The following TOX variants were observed in gnomAD, a reference collection of about 807,000 sequenced individuals.
TOX encodes thymocyte selection-associated high mobility group box protein TOX.
In TOX, 11 loss-of-function variants were observed where a neutral mutation model predicts 53.7. The observed-to-expected ratio is 0.20, with a 90% CI of 0.13 to 0.34. The LOEUF (loss-of-function observed/expected upper bound fraction) is 0.34, where lower values mean the gene tolerates loss of function less well. Ranked by LOEUF, TOX falls within the 10% of genes least tolerant of loss-of-function variation. TOX has a pLI of 1.00. For missense variants in TOX, 570 were observed against 664.6 expected (o/e 0.86, Z 1.56); for synonymous variants, 225 against 245.3 (o/e 0.92, Z 0.77).
intron 3 of TOX, among the ~76,000 whole-genome samples, chr8:58,915,461 G>A (rs1384845257): frequency 9.1e-6 from 1 of 109,972 alleles, no homozygotes; most frequent in Non-Finnish European, 1.9e-5. Context: ...TCACACGGCA[G>A]GGTATTCCAA....
At chr8:59,106,174 G>C (rs1393964452) in intron 1 of TOX, among the ~76,000 whole-genome samples, 1 of 152,056 alleles carries the variant, frequency 6.6e-6, no homozygotes, top group African/African-American at 2.4e-5. Context: ...CCACCTCTCA[G>C]AAATATATCC....
chr8:58,992,329 G>T (rs1401154978), intron 1 of TOX, among the ~76,000 whole-genome samples: 1 of 152,156 alleles, frequency 6.6e-6, no homozygotes, highest in Non-Finnish European at 1.5e-5. Flanking sequence ...CTTGCTGCAC[G>T]TAGAAATGCA....
chr8:58,980,815 G>C (rs1444201802), intron 1 of TOX, among the ~76,000 whole-genome samples: 1 of 152,120 alleles, frequency 6.6e-6, no homozygotes, highest in Non-Finnish European at 1.5e-5. Flanking sequence ...TTCCAGTGTA[G>C]ATAATCCTTC....
intron 1 of TOX, among the ~76,000 whole-genome samples, chr8:59,051,572 A>G (rs1211336745): frequency 1.3e-5 from 2 of 152,188 alleles, no homozygotes; most frequent in Non-Finnish European, 2.9e-5. Context: ...GAAAGACACC[A>G]CACTAGAAAC....
chr8:59,103,345 A>T (rs1211222279), intron 1 of TOX, among the ~76,000 whole-genome samples: 1 of 152,220 alleles, frequency 6.6e-6, no homozygotes, highest in African/African-American at 2.4e-5. Context: ...ATTTTTTAAT[A>T]ATAAGGACAA....
intron 1 of TOX, among the ~76,000 whole-genome samples, chr8:59,039,992 C>A (rs566466118): frequency 1.3e-5 from 2 of 152,016 alleles, no homozygotes; most frequent in African/African-American, 4.8e-5. Context: ...CAGAAATTCA[C>A]GGAGAATTTC....
chr8:58,983,933 C>T lies in TOX; in HGVS notation c.103-23925G>A, dbSNP rs146988514. Among the ~76,000 whole-genome samples the T allele has an allele frequency of 3.7e-3, 566 of 152,316 alleles. 1 individual carries two copies. The highest frequency in any genetic ancestry group is 0.013 in the African/African-American group (529 of 41,576). ...TGCAAATGAATGACTTGGTTTATTC[C>T]ATATGTGTCCCTGACATCCAGAGCC... On this transcript the variant is annotated intron_variant, in intron 1 of 8. Transcript: ENST00000361421.
intron 3 of TOX, among the ~76,000 whole-genome samples, chr8:58,914,639 C>T (rs760858285): frequency 1.3e-5 from 2 of 152,194 alleles, no homozygotes; most frequent in Non-Finnish European, 2.9e-5. Context: ...TTCTCCCCCA[C>T]AAAAACTTGT....
At chr8:59,035,593 A>G (rs909722573) in intron 1 of TOX, among the ~76,000 whole-genome samples, 6 of 152,230 alleles carry the variant, frequency 3.9e-5, no homozygotes, top group African/African-American at 1.4e-4. Flanking sequence ...CATTGCTAAC[A>G]TCTAATCTCT....
rs555768241 is a variant in TOX at position 58,851,097 on chromosome 8, G to C, written c.693+427C>G. 6.6e-6 allele frequency among the ~76,000 whole-genome samples: 1 copy of C among 151,830 alleles called. No homozygotes were observed. The highest frequency in any genetic ancestry group is 2.1e-4 in the South Asian group (1 of 4,818). ...TCCACGTCCTCAATATGAAATGGTTGGGTCAGGTGGCCACAAAGGTTTCAT... is the reference window on the plus strand; with the variant it reads ...TCCACGTCCTCAATATGAAATGGTTCGGTCAGGTGGCCACAAAGGTTTCAT... On this transcript the variant is annotated intron_variant, in intron 4 of 8. Transcript: ENST00000361421. The surrounding 1 kb of genome is among the most constrained non-coding windows in gnomAD (Gnocchi z 4.4).
At chr8:59,020,598 C>T (rs1814105643) in intron 1 of TOX, among the ~76,000 whole-genome samples, 1 of 152,118 alleles carries the variant, frequency 6.6e-6, no homozygotes, top group African/African-American at 2.4e-5. Flanking sequence ...AGACATCTTA[C>T]AATTTCTTTT....
At chr8:59,033,441 G>T (rs1203578961) in intron 1 of TOX, among the ~76,000 whole-genome samples, 2 of 152,226 alleles carry the variant, frequency 1.3e-5, no homozygotes, top group African/African-American at 2.4e-5. Flanking sequence ...ACTTTGAGGA[G>T]ATGAGTGGTG....
chr8:59,092,335 TTATA>T (rs1804636731), intron 1 of TOX, among the ~76,000 whole-genome samples: 1 of 135,438 alleles, frequency 7.4e-6, no homozygotes, highest in Non-Finnish European at 1.5e-5. Context: ...ATATTATATA[TTATA>T]TATACATTAT....
At chr8:58,921,293 G>A (rs919742026) in intron 3 of TOX, among the ~76,000 whole-genome samples, 41 of 152,120 alleles carry the variant, frequency 2.7e-4, no homozygotes, top group Non-Finnish European at 5.6e-4. Flanking sequence ...AATGTAGTAA[G>A]AATCAAGTTA....
chr8:59,024,529 A>C (rs1437059333), intron 1 of TOX, among the ~76,000 whole-genome samples: 1 of 152,202 alleles, frequency 6.6e-6, no homozygotes, highest in Non-Finnish European at 1.5e-5. Flanking sequence ...CAGATCCTAC[A>C]TACCTGTCAG....
intron 3 of TOX, among the ~76,000 whole-genome samples, chr8:58,903,851 T>C (rs1811769359): frequency 6.6e-6 from 1 of 152,154 alleles, no homozygotes; most frequent in South Asian, 2.1e-4. Flanking sequence ...AAATATATAA[T>C]ATCAGATCCA....
At chr8:58,891,319 G>GA (rs147284988) in intron 3 of TOX, among the ~76,000 whole-genome samples, 5,490 of 151,962 alleles carry the variant, frequency 0.036, 128 homozygotes, top group Non-Finnish European at 0.055. Flanking sequence ...ATCTAAATAG[G>GA]AAAAAGAAAA....
At chr8:58,887,888 A>G (rs1811498011) in intron 3 of TOX, among the ~76,000 whole-genome samples, 1 of 152,048 alleles carries the variant, frequency 6.6e-6, no homozygotes, top group South Asian at 2.1e-4. Context: ...GTGTTGTTTA[A>G]CAATGGGAAT....
chr8:58,985,858 G>A lies in TOX; in HGVS notation c.103-25850C>T, dbSNP rs933819000. Among the ~76,000 whole-genome samples the A allele has an allele frequency of 3.3e-5, 5 of 152,118 alleles. No individual in the cohort carries two copies. The South Asian group carries it at 1.0e-3, about 32-fold the overall frequency. On this transcript the variant is annotated intron_variant, in intron 1 of 8. Transcript: ENST00000361421. Reference sequence around the variant, plus strand: ...ATTCCCTACACTTTGGGCTTTTCCAGGTATGGACAAATTGGAAATTTGCAA... The same window carrying A: ...ATTCCCTACACTTTGGGCTTTTCCAAGTATGGACAAATTGGAAATTTGCAA...
Sources: gnomAD v4.1 joint callset for allele counts (sites outside exome capture counted in the v4.1 genomes callset) on GRCh38, gnomAD v4.1.1 for gene constraint, Gnocchi (gnomAD v3.1) non-coding constraint, MANE v1.5 for transcripts, NCBI Gene and HGNC (gene_info 2026-07-23, HGNC 2026-07-21) for gene names.